Variants in FGF14 observed in about 807,000 individuals in gnomAD.
FGF14 encodes the protein fibroblast growth factor 14, also known as fibroblast growth factor homologous factor 4.
A neutral mutation model predicts 25.5 loss-of-function variants in FGF14; 5 were observed. The observed-to-expected ratio is 0.20, with a 90% CI of 0.10 to 0.41. The LOEUF is 0.41. FGF14 is among the 10% of genes least tolerant of loss of function. FGF14 has a pLI of 1.00. For missense variants in FGF14, 222 were observed against 320.1 expected (o/e 0.69, Z 2.34); for synonymous variants, 138 against 118.3 (o/e 1.17, Z -1.08).
intron 3 of FGF14, among the ~76,000 whole-genome samples, chr13:101,733,580 C>G (rs1323251913): frequency 1.0e-5 from 1 of 98,696 alleles, no homozygotes; most frequent in Admixed American, 1.4e-4. Context: ...GGCGACAGAA[C>G]AAGACTCCAT....
intron 3 of FGF14, among the ~76,000 whole-genome samples, chr13:101,797,400 A>T (rs2040589865): frequency 6.6e-6 from 1 of 152,042 alleles, no homozygotes; most frequent in South Asian, 2.1e-4. Context: ...TGCGTCCTTT[A>T]TAAAGGTGTG....
At chr13:102,247,915 TA>T (rs1467492230) in intron 1 of FGF14, among the ~76,000 whole-genome samples, 1 of 152,034 alleles carries the variant, frequency 6.6e-6, no homozygotes, top group East Asian at 1.9e-4. Context: ...AGCCATAAAA[TA>T]AAAGGAGATC....
At chr13:102,089,895 T>G (rs2044091583) in intron 1 of FGF14, among the ~76,000 whole-genome samples, 3 of 152,228 alleles carry the variant, frequency 2.0e-5, no homozygotes, top group African/African-American at 7.2e-5. Context: ...CTCTTTATTT[T>G]GTGTCCAAGG....
chr13:102,262,197 T>C (rs1001982116), intron 1 of FGF14, among the ~76,000 whole-genome samples: 2 of 152,146 alleles, frequency 1.3e-5, no homozygotes, highest in African/African-American at 4.8e-5. Context: ...ATAAAGCATG[T>C]TAAGGTTATG....
intron 1 of FGF14, among the ~76,000 whole-genome samples, chr13:102,179,961 T>C (rs556304439): frequency 6.6e-6 from 1 of 152,216 alleles, no homozygotes; most frequent in East Asian, 1.9e-4. Context: ...ATAAATATGA[T>C]TACTCCTCAT....
intron 3 of FGF14, among the ~76,000 whole-genome samples, chr13:101,745,340 C>A (rs9582522): frequency 0.049 from 7,390 of 152,084 alleles, 197 homozygotes; most frequent in Middle Eastern, 0.065. Flanking sequence ...AATCAATGAA[C>A]CTACATTGGC....
intron 1 of FGF14, among the ~76,000 whole-genome samples, chr13:102,038,884 C>T (rs183584402): frequency 1.3e-5 from 2 of 152,088 alleles, no homozygotes; most frequent in Admixed American, 1.3e-4. Context: ...GAAAAACTTT[C>T]CTGTCCCATA....
chr13:101,979,481 A>T (rs1052545762), intron 1 of FGF14, among the ~76,000 whole-genome samples: 2 of 152,158 alleles, frequency 1.3e-5, no homozygotes, highest in African/African-American at 4.8e-5. Flanking sequence ...TACAGAAGAG[A>T]AAACCGAGGA....
intron 1 of FGF14, among the ~76,000 whole-genome samples, chr13:102,035,104 C>T (rs1166828157): frequency 6.6e-6 from 1 of 152,076 alleles, no homozygotes; most frequent in African/African-American, 2.4e-5. Flanking sequence ...GTGAGGTTGT[C>T]TGATGCCTGA....
rs550930916 is a variant in FGF14, at chr13:102,356,989, T to C, written c.208+44482A>G. Among the ~76,000 whole-genome samples the C allele has an allele frequency of 1.3e-4, 20 of 151,150 alleles. 1 individual carries two copies. Among genetic ancestry groups the C allele is most frequent in the African/African-American group, 4.9e-4 (20 of 41,112 alleles). On this transcript the variant is annotated intron_variant, in intron 1 of 4. Transcript: ENST00000376131. ...TTCATATCTGTAGATACTTCTTAAATATCTAGAAAGTTCCATTTCACACTG... is the reference window on the plus strand; with the variant it reads ...TTCATATCTGTAGATACTTCTTAAACATCTAGAAAGTTCCATTTCACACTG...
intron 1 of FGF14, among the ~76,000 whole-genome samples, chr13:102,350,611 T>C (rs538009428): frequency 1.3e-5 from 2 of 152,178 alleles, no homozygotes; most frequent in Admixed American, 6.5e-5. Context: ...AAGTCCTCTT[T>C]GTACTTGGCA....
intron 1 of FGF14, among the ~76,000 whole-genome samples, chr13:102,013,276 G>A (rs1299247715): frequency 1.3e-5 from 2 of 152,120 alleles, no homozygotes; most frequent in Admixed American, 6.5e-5. Flanking sequence ...CCTTCTACAT[G>A]TAGTATTTCC....
intron 1 of FGF14, among the ~76,000 whole-genome samples, chr13:102,046,521 G>T (rs2041991035): frequency 6.6e-6 from 1 of 152,236 alleles, no homozygotes; most frequent in East Asian, 1.9e-4. Flanking sequence ...GCTACCCAGG[G>T]TTAAATCTGG....
At chr13:101,861,168 G>C (rs1566331893) in intron 3 of FGF14, among the ~76,000 whole-genome samples, 1 of 152,068 alleles carries the variant, frequency 6.6e-6, no homozygotes, top group Non-Finnish European at 1.5e-5. Context: ...ATTACCATCT[G>C]TCACAGAATT....
At chr13:102,245,523 A>G (rs990494068) in intron 1 of FGF14, among the ~76,000 whole-genome samples, 1 of 152,108 alleles carries the variant, frequency 6.6e-6, no homozygotes, top group East Asian at 1.9e-4. Context: ...AATTTATGAA[A>G]TAAGTAATGG....
At chr13:101,953,652 G>A (rs139171209) in intron 1 of FGF14, among the ~76,000 whole-genome samples, 1,927 of 150,432 alleles carry the variant, frequency 0.013, 43 homozygotes, top group African/African-American at 0.043. Context: ...GTACAATGGC[G>A]CAATCTTGGC....
At chr13:101,813,497 G>C (rs1416234083) in intron 3 of FGF14, among the ~76,000 whole-genome samples, 2 of 150,446 alleles carry the variant, frequency 1.3e-5, no homozygotes, top group Non-Finnish European at 2.9e-5. Context: ...GCCTTCACCA[G>C]ACACCAAATG....
chr13:101,812,962 C>T (rs1432988899), intron 3 of FGF14, among the ~76,000 whole-genome samples: 1 of 152,030 alleles, frequency 6.6e-6, no homozygotes, highest in African/African-American at 2.4e-5. Context: ...CCACCATGCC[C>T]AGCTAAAACT....
chr13:101,867,390 A>G (rs1885795386), intron 3 of FGF14, among the ~76,000 whole-genome samples: 1 of 152,178 alleles, frequency 6.6e-6, no homozygotes, highest in Admixed American at 6.6e-5. Flanking sequence ...CCTGTCATCA[A>G]CATATGTATC....
Sources: gnomAD v4.1 joint callset for allele counts (sites outside exome capture counted in the v4.1 genomes callset) on GRCh38, gnomAD v4.1.1 for gene constraint, MANE v1.5 for transcripts, NCBI Gene and HGNC (gene_info 2026-07-23, HGNC 2026-07-21) for gene names.